The following PIKFYVE variants were observed in gnomAD, a reference collection of about 807,000 sequenced individuals.
The protein encoded by PIKFYVE is phosphoinositide kinase, FYVE-type zinc finger containing, also known as 1-phosphatidylinositol 3-phosphate 5-kinase.
PIKFYVE carries 122 observed loss-of-function variants against 257.9 expected under a neutral mutation model. The observed-to-expected ratio is 0.47, with a 90% CI of 0.41 to 0.55. The LOEUF is 0.55. Ranked by LOEUF, PIKFYVE falls within the 20% of genes least tolerant of loss-of-function variation. PIKFYVE has a pLI of 0.00. For missense variants in PIKFYVE, 2,160 were observed against 2,536.6 expected, an observed-to-expected ratio of 0.85 and a Z score of 3.19; for synonymous variants, 892 against 868.9, an observed-to-expected ratio of 1.03 and a Z score of -0.47.
intron 37 of PIKFYVE, among the ~76,000 whole-genome samples, 173 bp downstream of exon 37, chr2:208,351,120 A>G (rs1699733820): frequency 6.6e-6 from 1 of 152,236 alleles, no homozygotes; most frequent in African/African-American, 2.4e-5. Context: ...GATCTTCTAG[A>G]ACTGAACTTA....
In PIKFYVE at chr2:208,325,710, C is replaced by A; in HGVS notation, c.2899C>A (p.Leu967Ile). The change falls in exon 20 of 42, where the codon CTC becomes ATC. Residue 967 changes from leucine to isoleucine, a missense_variant. Around this residue, in one of 12 missense-constraint regions of PIKFYVE, gnomAD observed 522 missense variants for 514.6 expected, o/e 1.01. Coordinates refer to ENST00000264380, the MANE Select transcript of PIKFYVE (RefSeq NM_015040.4). ...TAGCACAACAGCTTGCCCGGCGGGTCTCCCTTGTGCTTTCTTTGCACCTGT... is the reference window on the plus strand; with the variant it reads ...TAGCACAACAGCTTGCCCGGCGGGTATCCCTTGTGCTTTCTTTGCACCTGT... ...EHSTTACPAG[L>I]PCAFFAPVPE... The A allele has an allele frequency of 1.2e-6, 2 of 1,613,286 alleles. No individual in the cohort carries two copies. Among genetic ancestry groups the A allele is most frequent in the Non-Finnish European group, 8.5e-7 (1 of 1,179,422 alleles).
At chr2:208,335,678 A>G (rs1698058652) in intron 25 of PIKFYVE, 115 bp from the exon 26 acceptor site, 2 of 930,386 alleles carry the variant, frequency 2.1e-6, no homozygotes, top group East Asian at 4.9e-5. Flanking sequence ...GTAATTCTTA[A>G]TTAGGTAAAA....
Position 208,347,642 on chromosome 2 carries a change from G to A in PIKFYVE, c.5210-217G>A, listed in dbSNP as rs2118296. Among the ~76,000 whole-genome samples, 141,519 of 152,238 alleles carry A rather than the reference G, an allele frequency of 0.93. 66,312 individuals carry two copies. The highest frequency in any genetic ancestry group is 0.98 in the Non-Finnish European group (66,855 of 68,030). On this transcript the variant is annotated intron_variant, in intron 34 of 41. Coordinates refer to ENST00000264380, the MANE Select transcript of PIKFYVE (RefSeq NM_015040.4). The stretch of plus-strand genomic sequence containing the variant: ...ATCTTTTTTTATGTTTTTATTAATA[G>A]GGGTTTTTGTTAAAAAGGGTGCTTG...
chr2:208,276,868 G>A (rs761141736), intron 4 of PIKFYVE, 38 bp downstream of exon 4: 7 of 1,523,028 alleles, frequency 4.6e-6, no homozygotes, highest in East Asian at 2.3e-5. Flanking sequence ...CTTATTAAGC[G>A]CTTATGGGGA....
Position 208,324,191 on chromosome 2 carries a change from C to G in PIKFYVE, c.2240C>G (p.Pro747Arg). The G allele has an allele frequency of 1.2e-6, 2 of 1,613,714 alleles. No individual in the cohort carries two copies. The highest frequency in any genetic ancestry group is 1.7e-6 in the Non-Finnish European group (2 of 1,179,750). Residue 747 changes from proline to arginine, a missense_variant, in exon 18 of 42, where the codon CCC becomes CGC. Transcript: ENST00000264380. ...GTCCAGCGAATAGTTGATGTTCGAC[C>G]CACCTTGGTTCTTGTTGAGAAAACA... is the stretch of plus-strand genomic sequence containing the variant. ...NYVQRIVDVRPTLVLVEKTVS... is the reference protein window; with the variant it reads ...NYVQRIVDVRRTLVLVEKTVS...
chr2:208,346,217 A>G (rs1699217143), intron 34 of PIKFYVE, 70 bp downstream of exon 34: 3 of 1,204,674 alleles, frequency 2.5e-6, no homozygotes, highest in Non-Finnish European at 2.4e-6. Context: ...AAGAAAATAC[A>G]TAAAAACAAA....
At chr2:208,349,078 G>T (rs1336492560) in intron 35 of PIKFYVE, among the ~76,000 whole-genome samples, 1 of 152,078 alleles carries the variant, frequency 6.6e-6, no homozygotes, top group Non-Finnish European at 1.5e-5. Context: ...CACGAGAACT[G>T]CATGAACCCA....
At chr2:208,304,748 T>A (rs1694112212) in intron 11 of PIKFYVE, 98 bp from the exon 12 acceptor site, 7 of 1,237,040 alleles carry the variant, frequency 5.7e-6, no homozygotes, top group South Asian at 4.9e-5. Context: ...GCTTGTATAT[T>A]AAAAAAACAT....
chr2:208,301,456 A>G (rs1693671989), intron 9 of PIKFYVE, among the ~76,000 whole-genome samples: 1 of 152,218 alleles, frequency 6.6e-6, no homozygotes, highest in African/African-American at 2.4e-5. Context: ...TCCATAAGCT[A>G]TGCCTGTCGG....
chr2:208,323,156 A>T (rs1696490455), intron 17 of PIKFYVE, among the ~76,000 whole-genome samples: 1 of 150,910 alleles, frequency 6.6e-6, no homozygotes, highest in African/African-American at 2.4e-5. Flanking sequence ...CATGTGCACA[A>T]TGTGCAGGTT....
intron 23 of PIKFYVE, among the ~76,000 whole-genome samples, 166 bp from the exon 24 acceptor site, chr2:208,333,149 G>A (rs995619945): frequency 6.6e-6 from 1 of 151,906 alleles, no homozygotes; most frequent in Non-Finnish European, 1.5e-5. Flanking sequence ...CAGGAGAATG[G>A]CCTGAACCTG....
At chr2:208,350,644 C>A in intron 36 of PIKFYVE, 127 bp from the exon 37 acceptor site, 1 of 962,980 alleles carries the variant, frequency 1.0e-6, no homozygotes, top group Non-Finnish European at 1.6e-6. Flanking sequence ...TTGGATCTAA[C>A]ATGCAAAATG....
chr2:208,342,793 TC>T (rs1698833709), intron 32 of PIKFYVE, 144 bp downstream of exon 32: 12 of 551,486 alleles, frequency 2.2e-5, no homozygotes, highest in Non-Finnish European at 2.7e-5. Flanking sequence ...GATAGCTTGT[TC>T]TTTTTTTTTT....
At chr2:208,284,915 C>T (rs909756732) in intron 5 of PIKFYVE, among the ~76,000 whole-genome samples, 4 of 150,722 alleles carry the variant, frequency 2.7e-5, no homozygotes, top group Admixed American at 6.6e-5. Flanking sequence ...ACAGTCCTCC[C>T]GCCCTCAAGC....
chr2:208,352,198 C>T (rs1699835164), intron 38 of PIKFYVE, among the ~76,000 whole-genome samples: 1 of 152,112 alleles, frequency 6.6e-6, no homozygotes, highest in Admixed American at 6.5e-5. Context: ...AAATTTGAAA[C>T]GTGTATTGAG....
chr2:208,310,345 T>C (rs2125415830), intron 12 of PIKFYVE, among the ~76,000 whole-genome samples: 1 of 152,316 alleles, frequency 6.6e-6, no homozygotes, highest in South Asian at 2.1e-4. Context: ...TGAGGAAAAT[T>C]GGATTTATAA....
chr2:208,348,730 A>T (rs562219899), intron 35 of PIKFYVE, among the ~76,000 whole-genome samples: 2 of 152,088 alleles, frequency 1.3e-5, no homozygotes, highest in South Asian at 4.1e-4. Flanking sequence ...TGGGAAACAG[A>T]CCCATTCATT....
At chr2:208,336,459 T>C (rs1050363976) in intron 27 of PIKFYVE, among the ~76,000 whole-genome samples, 4 of 152,192 alleles carry the variant, frequency 2.6e-5, no homozygotes, top group African/African-American at 9.6e-5. Context: ...ACAATGTTGT[T>C]CAGATGTGTG....
intron 32 of PIKFYVE, among the ~76,000 whole-genome samples, chr2:208,343,866 C>T (rs181823172): frequency 4.0e-5 from 6 of 148,850 alleles, no homozygotes; most frequent in African/African-American, 1.5e-4. Context: ...GAGTCTTTCT[C>T]AGTTGCCCAG....
Sources: gnomAD v4.1 joint callset for allele counts (sites outside exome capture counted in the v4.1 genomes callset) on GRCh38, gnomAD v4.1.1 for gene constraint, gnomAD v4.1.1 regional missense constraint, MANE v1.5 for transcripts, NCBI Gene and HGNC (gene_info 2026-07-23, HGNC 2026-07-21) for gene names.